GRXCR1: variants seen among roughly 807,000 people sequenced by gnomAD.
The protein encoded by GRXCR1 is glutaredoxin and cysteine rich domain containing 1, also known as glutaredoxin domain-containing cysteine-rich protein 1.
In GRXCR1, 27 loss-of-function variants were observed where a neutral mutation model predicts 27.3. The ratio of observed to expected loss-of-function variants is 0.99; its 90% CI spans 0.73 to 1.37. The LOEUF (loss-of-function observed/expected upper bound fraction) is 1.37, where lower values mean the gene tolerates loss of function less well. Ranked by LOEUF, GRXCR1 falls within the 40% of genes most tolerant of loss-of-function variation. The pLI, the probability that GRXCR1 is intolerant of heterozygous loss-of-function variation, is 0.00. For missense variants in GRXCR1, 379 were observed against 354.4 expected (o/e 1.07, Z -0.56); for synonymous variants, 122 against 131.1 (o/e 0.93, Z 0.47).
intron 2 of GRXCR1, among the ~76,000 whole-genome samples, chr4:42,972,583 G>A (rs1748415904): frequency 6.6e-6 from 1 of 152,136 alleles, no homozygotes; most frequent in African/African-American, 2.4e-5. Flanking sequence ...GATAGTAAAA[G>A]CTAATTTGAA....
intron 2 of GRXCR1, among the ~76,000 whole-genome samples, chr4:43,012,791 A>T (rs569108018): frequency 3.9e-5 from 6 of 152,064 alleles, no homozygotes; most frequent in Middle Eastern, 3.4e-3. Context: ...TTTCTTTTTT[A>T]AAAAAAACCT....
intron 1 of GRXCR1, among the ~76,000 whole-genome samples, chr4:42,907,304 A>C (rs1746618598): frequency 1.3e-5 from 2 of 152,156 alleles, no homozygotes; most frequent in Non-Finnish European, 2.9e-5. Context: ...CACTCTTCAG[A>C]TGTATCTGCT....
In GRXCR1 at chr4:42,906,868, G is replaced by GA. The variant is rs202099560; in HGVS notation, c.384+13224dup. On this transcript the variant is annotated intron_variant, in intron 1 of 3. Transcript: ENST00000399770. ...AAACCAAAGTAATTTAAAGGACAAT[G>GA]AAAAAACATTTGTCCCCGAATATTT... Among the ~76,000 whole-genome samples the GA allele has an allele frequency of 5.1e-3, 779 of 152,192 alleles. 9 individuals carry two copies. Among genetic ancestry groups the GA allele is most frequent in the African/African-American group, 0.018 (734 of 41,534 alleles).
Position 42,982,685 on chromosome 4 carries a change from GT to G in GRXCR1, c.627+19553del, listed in dbSNP as rs1711530112. 2.1e-5 allele frequency among the ~76,000 whole-genome samples: 3 copies of G among 139,658 alleles called. No homozygotes were observed. The South Asian group carries it at 7.8e-4, about 36-fold the overall frequency. 91.6% of individuals were successfully genotyped at this position (139,658 alleles called of 152,430 possible). A position where few individuals can be genotyped will look rare whatever the true frequency, so the allele number is the denominator to read the frequency against. ...ACAGTCCCACCAACAGTGTAAAAGT[GT>G]TCCTGTTTCTCCACATCCTCTCCAG... On this transcript the variant is annotated intron_variant, in intron 2 of 3. Coordinates refer to ENST00000399770, the MANE Select transcript of GRXCR1 (RefSeq NM_001080476.3).
At position 42,903,582 on chromosome 4, in the gene GRXCR1, G is replaced by A. The variant is rs1746517882; in HGVS notation, c.384+9932G>A. ...CCGCCTTGGCCTCCCAGAGTGCTGG[G>A]ATAGATATTCTTAATCACAGCTTTC... On this transcript the variant is annotated intron_variant, in intron 1 of 3. Coordinates refer to ENST00000399770, the MANE Select transcript of GRXCR1 (RefSeq NM_001080476.3). Among the ~76,000 whole-genome samples the A allele has an allele frequency of 3.4e-5, 5 of 147,594 alleles. No homozygotes were observed. The Admixed American group carries it at 3.5e-4, about 10-fold the overall frequency.
chr4:43,008,821 T>C (rs1200552651), intron 2 of GRXCR1, among the ~76,000 whole-genome samples: 1 of 152,240 alleles, frequency 6.6e-6, no homozygotes, highest in African/African-American at 2.4e-5. Context: ...TATTTTTGTG[T>C]TTGTTTCCCT....
chr4:42,896,707 C>T (rs1276426244), intron 1 of GRXCR1, among the ~76,000 whole-genome samples: 1 of 151,922 alleles, frequency 6.6e-6, no homozygotes, highest in Admixed American at 6.6e-5. Context: ...GAATCATTGA[C>T]CTAGAGTATC....
chr4:42,982,905 T>G (rs1336507389), intron 2 of GRXCR1, among the ~76,000 whole-genome samples: 19 of 152,002 alleles, frequency 1.2e-4, no homozygotes, highest in Admixed American at 1.2e-3. Context: ...ATGGGGTTGT[T>G]TGTTTTTTTT....
At chr4:42,995,418 AT>A (rs1039879593) in intron 2 of GRXCR1, among the ~76,000 whole-genome samples, 6 of 151,988 alleles carry the variant, frequency 3.9e-5, no homozygotes, top group South Asian at 2.1e-4. Context: ...TCCATTTAAT[AT>A]TTTTTTTGGT....
At chr4:43,000,792 C>T (rs1712331241) in intron 2 of GRXCR1, among the ~76,000 whole-genome samples, 1 of 152,002 alleles carries the variant, frequency 6.6e-6, no homozygotes, top group Admixed American at 6.6e-5. Flanking sequence ...CTGTATAAGC[C>T]TACTCTGATT....
chr4:42,974,383 T>C (rs971614379), intron 2 of GRXCR1, among the ~76,000 whole-genome samples: 1 of 152,064 alleles, frequency 6.6e-6, no homozygotes, highest in Admixed American at 6.6e-5. Context: ...CTGAACAAGA[T>C]TTCATAATTT....
At chr4:42,982,921 A>C (rs1474360249) in intron 2 of GRXCR1, among the ~76,000 whole-genome samples, 1 of 151,464 alleles carries the variant, frequency 6.6e-6, no homozygotes, top group Non-Finnish European at 1.5e-5. Context: ...TTTTTTGTAA[A>C]TTTGTTTGAG....
chr4:43,025,653 G>A (rs1427961294), intron 3 of GRXCR1, among the ~76,000 whole-genome samples: 1 of 152,190 alleles, frequency 6.6e-6, no homozygotes, highest in Non-Finnish European at 1.5e-5. Context: ...GCAGGTCAAC[G>A]TTTCCGCAGC....
intron 2 of GRXCR1, among the ~76,000 whole-genome samples, chr4:43,000,497 A>G (rs973217085): frequency 2.3e-5 from 3 of 132,744 alleles, no homozygotes; most frequent in Admixed American, 7.7e-5. Context: ...AAAAAAAAAA[A>G]GAAGGCATCT....
intron 2 of GRXCR1, among the ~76,000 whole-genome samples, chr4:42,964,598 G>C (rs1430591753): frequency 6.6e-6 from 1 of 152,082 alleles, no homozygotes; most frequent in Non-Finnish European, 1.5e-5. Flanking sequence ...TAATTCCTTT[G>C]CTCCAAGTGA....
intron 1 of GRXCR1, among the ~76,000 whole-genome samples, chr4:42,933,988 G>A (rs1318392614): frequency 2.0e-5 from 3 of 151,920 alleles, no homozygotes; most frequent in East Asian, 3.9e-4. Context: ...GGAGATGCAG[G>A]CAGAACCTGG....
chr4:42,903,721 G>A (rs1746521836), intron 1 of GRXCR1, among the ~76,000 whole-genome samples: 1 of 141,622 alleles, frequency 7.1e-6, no homozygotes, highest in African/African-American at 2.5e-5. Context: ...CAAGGCCAAT[G>A]TTTCCTGCTT....
chr4:42,984,961 T>C (rs1286637939), intron 2 of GRXCR1, among the ~76,000 whole-genome samples: 4 of 152,142 alleles, frequency 2.6e-5, no homozygotes, highest in Non-Finnish European at 5.9e-5. Flanking sequence ...ATATTTAGTA[T>C]GATGGGCCTG....
In GRXCR1 at chr4:43,027,561, A is replaced by G. The variant is rs186550558; in HGVS notation, c.694-2800A>G. Among the ~76,000 whole-genome samples, 4 of 152,342 alleles carry G rather than the reference A, an allele frequency of 2.6e-5. No homozygotes were observed. In the East Asian group the frequency reaches 7.7e-4, roughly 29 times the overall value. On this transcript the variant is annotated intron_variant, in intron 3 of 3. Coordinates refer to ENST00000399770, the MANE Select transcript of GRXCR1 (RefSeq NM_001080476.3). Reference sequence around the variant, plus strand: ...TTACTATTTTGAATTTTGTGTGCTCAGAGCCTGGTGTCTGAAGTGCCACAC... The same window carrying G: ...TTACTATTTTGAATTTTGTGTGCTCGGAGCCTGGTGTCTGAAGTGCCACAC...
Sources: allele counts gnomAD v4.1 joint callset (sites outside exome capture counted in the v4.1 genomes callset), GRCh38; gene constraint gnomAD v4.1.1; transcripts MANE v1.5; gene names NCBI Gene and HGNC (gene_info 2026-07-23, HGNC 2026-07-21).